Variants in DPP10 observed in about 807,000 individuals in gnomAD.
DPP10 encodes the protein inactive dipeptidyl peptidase 10.
A neutral mutation model predicts 120.9 loss-of-function variants in DPP10; 33 were observed. That is an observed-to-expected ratio of 0.27 (90% CI 0.21 to 0.37). DPP10 has a LOEUF of 0.37. Ranked by LOEUF, DPP10 falls within the 10% of genes least tolerant of loss-of-function variation. The pLI is 1.00. For synonymous variants in DPP10, 337 were observed against 326.1 expected (o/e 1.03, Z -0.36); for missense variants, 816 against 942.8 (o/e 0.87, Z 1.76).
chr2:114,744,573 A>G (rs1678385136), intron 1 of DPP10, among the ~76,000 whole-genome samples: 1 of 152,210 alleles, frequency 6.6e-6, no homozygotes, highest in Admixed American at 6.5e-5. Context: ...ACACTGACAA[A>G]TAAGTTTGAA....
chr2:115,351,538 A>T (rs944594901), intron 3 of DPP10, among the ~76,000 whole-genome samples: 2 of 152,132 alleles, frequency 1.3e-5, no homozygotes, highest in African/African-American at 4.8e-5. Flanking sequence ...TTAAAATTTT[A>T]AAAATCAAAT....
At chr2:115,175,430 A>G in intron 1 of DPP10, among the ~76,000 whole-genome samples, 1 of 152,200 alleles carries the variant, frequency 6.6e-6, no homozygotes, top group Non-Finnish European at 1.5e-5. Context: ...AGAAATAAAC[A>G]TATGAATGGG....
At chr2:115,637,477 C>G (rs1480972945) in intron 5 of DPP10, among the ~76,000 whole-genome samples, 1 of 151,604 alleles carries the variant, frequency 6.6e-6, no homozygotes, top group African/African-American at 2.4e-5. Flanking sequence ...ATTGAGACTC[C>G]AAGAATATGA....
intron 3 of DPP10, among the ~76,000 whole-genome samples, chr2:115,370,042 C>T (rs866954685): frequency 7.2e-5 from 11 of 152,194 alleles, no homozygotes; most frequent in Middle Eastern, 6.8e-3. Flanking sequence ...TGAAGGCTTT[C>T]CTGATTCCCT....
intron 19 of DPP10, among the ~76,000 whole-genome samples, chr2:115,797,169 C>A (rs1467273527): frequency 6.6e-6 from 1 of 151,990 alleles, no homozygotes; most frequent in African/African-American, 2.4e-5. Context: ...TTATACAAAT[C>A]ATGACTGAGT....
intron 5 of DPP10, among the ~76,000 whole-genome samples, chr2:115,660,655 C>CTTTTTTTT: frequency 2.4e-4 from 6 of 25,322 alleles, no homozygotes; most frequent in African/African-American, 2.8e-4. Flanking sequence ...CTCTGTCTGG[C>CTTTTTTTT]TTTTTTTTTT....
At chr2:114,713,802 A>G (rs1701178420) in intron 1 of DPP10, among the ~76,000 whole-genome samples, 1 of 151,952 alleles carries the variant, frequency 6.6e-6, no homozygotes, top group Non-Finnish European at 1.5e-5. Context: ...CCTGGCCAAC[A>G]TGGTGAACCC....
At chr2:114,905,370 T>C (rs1477967867) in intron 1 of DPP10, among the ~76,000 whole-genome samples, 1 of 152,204 alleles carries the variant, frequency 6.6e-6, no homozygotes, top group Non-Finnish European at 1.5e-5. Flanking sequence ...AATGTTTCCA[T>C]TTATGGTGAG....
intron 5 of DPP10, among the ~76,000 whole-genome samples, chr2:115,641,582 T>C (rs1430922543): frequency 6.6e-6 from 1 of 152,188 alleles, no homozygotes. Context: ...TATCACTGTC[T>C]GAAGTTATCT....
At chr2:115,674,460 C>T (rs544987219) in intron 5 of DPP10, among the ~76,000 whole-genome samples, 23 of 151,090 alleles carry the variant, frequency 1.5e-4, no homozygotes, top group South Asian at 8.4e-4. Context: ...TCCACCTTGC[C>T]GGCAGTTACA....
At chr2:115,798,086 A>G (rs1559166677) in intron 19 of DPP10, among the ~76,000 whole-genome samples, 1 of 151,950 alleles carries the variant, frequency 6.6e-6, no homozygotes. Flanking sequence ...GTTTCATATG[A>G]ATGATATGGG....
chr2:115,337,551 A>G (rs2106219926), intron 2 of DPP10, among the ~76,000 whole-genome samples: 1 of 151,656 alleles, frequency 6.6e-6, no homozygotes, highest in East Asian at 1.9e-4. Flanking sequence ...TCTCTGTGAA[A>G]TGAGGATACT....
intron 4 of DPP10, among the ~76,000 whole-genome samples, chr2:115,517,004 CT>C (rs1393128624): frequency 1.3e-5 from 2 of 152,176 alleles, no homozygotes; most frequent in Non-Finnish European, 2.9e-5. Flanking sequence ...GAGCCTCTTA[CT>C]CCTTGATAGC....
chr2:115,546,323 G>C (rs2079498566), intron 5 of DPP10, among the ~76,000 whole-genome samples: 1 of 152,136 alleles, frequency 6.6e-6, no homozygotes, highest in Non-Finnish European at 1.5e-5. Context: ...ATACGTAAGT[G>C]TATATACATC....
chr2:114,767,503 T>C (rs1680845096), intron 1 of DPP10, among the ~76,000 whole-genome samples: 1 of 151,860 alleles, frequency 6.6e-6, no homozygotes, highest in African/African-American at 2.4e-5. Context: ...GATGTAGACA[T>C]GTTATAGAAA....
chr2:115,285,177 C>T (rs1253128352), intron 1 of DPP10, among the ~76,000 whole-genome samples: 1 of 152,044 alleles, frequency 6.6e-6, no homozygotes, highest in Non-Finnish European at 1.5e-5. Context: ...AGGCCCAGGA[C>T]CTACGTCTCT....
chr2:115,837,388 AC>A lies in DPP10; in HGVS notation c.2182+643del, dbSNP rs59605187. ...ATTTTATTATCCTCTGTGATATTTT[AC>A]AACAGACAGCTGAATATTTATAGCT... On this transcript the variant is annotated intron_variant, in intron 24 of 25. Transcript: ENST00000410059. Among the ~76,000 whole-genome samples, 501 of 152,298 alleles carry A rather than the reference AC, an allele frequency of 3.3e-3. 3 individuals are homozygous for A. Among genetic ancestry groups the A allele is most frequent in the African/African-American group, 0.011 (472 of 41,566 alleles).
intron 5 of DPP10, among the ~76,000 whole-genome samples, chr2:115,557,545 C>T (rs2080293538): frequency 6.6e-6 from 1 of 152,194 alleles, no homozygotes; most frequent in Non-Finnish European, 1.5e-5. Flanking sequence ...CTTCTTGTGA[C>T]TGCCTTTCTA....
chr2:115,436,476 G>A (rs1453758518), intron 3 of DPP10, among the ~76,000 whole-genome samples: 1 of 151,648 alleles, frequency 6.6e-6, no homozygotes, highest in African/African-American at 2.4e-5. Context: ...ATAATTTAAA[G>A]ATTAAAATAT....
Sources: gnomAD v4.1 joint callset for allele counts (sites outside exome capture counted in the v4.1 genomes callset) on GRCh38, gnomAD v4.1.1 for gene constraint, MANE v1.5 for transcripts, NCBI Gene and HGNC (gene_info 2026-07-23, HGNC 2026-07-21) for gene names.